DIAPH1: variants seen among roughly 807,000 people sequenced by gnomAD.
DIAPH1 encodes diaphanous related formin 1.
A neutral mutation model predicts 140.7 loss-of-function variants in DIAPH1; 46 were observed. The ratio of observed to expected loss-of-function variants is 0.33; its 90% CI spans 0.26 to 0.42. The LOEUF (loss-of-function observed/expected upper bound fraction) is 0.42, where lower values mean the gene tolerates loss of function less well. Ranked by LOEUF, DIAPH1 falls within the 10% of genes least tolerant of loss-of-function variation. DIAPH1 has a pLI of 1.00. For missense variants in DIAPH1, 1,310 were observed against 1,558.7 expected (o/e 0.84, Z 2.69); for synonymous variants, 565 against 551.6 (o/e 1.02, Z -0.34).
chr5:141,588,326 C>T (rs371439409), intron 1 of DIAPH1, 76 bp from the exon 2 acceptor site: 37 of 1,095,068 alleles, frequency 3.4e-5, no homozygotes, highest in African/African-American at 1.5e-4. Context: ...AAACACCAGA[C>T]GGGTTGGGGA....
chr5:141,576,654 G>T, intron 13 of DIAPH1, 102 bp downstream of exon 13: 1 of 842,056 alleles, frequency 1.2e-6, no homozygotes, highest in Non-Finnish European at 2.1e-6. Flanking sequence ...AGAACTATCT[G>T]GGGACTGGAA....
intron 18 of DIAPH1, chr5:141,558,423 A>C (rs930190440): frequency 2.6e-5 from 4 of 152,216 alleles, no homozygotes; most frequent in Admixed American, 1.3e-4. Flanking sequence ...GAAGACCACA[A>C]ACAGGAAATG....
chr5:141,554,586 A>C (rs2099892270), intron 18 of DIAPH1, among the ~76,000 whole-genome samples: 1 of 152,196 alleles, frequency 6.6e-6, no homozygotes, highest in Non-Finnish European at 1.5e-5. Flanking sequence ...CTTCACTATC[A>C]AAATGTGAAA....
At chr5:141,583,645 A>T (rs765226493) in intron 4 of DIAPH1, 30 bp from the exon 5 acceptor site, 1 of 1,613,998 alleles carries the variant, frequency 6.2e-7, no homozygotes, top group Admixed American at 1.7e-5. Flanking sequence ...AGAGATTAGT[A>T]ATGGTGGACC....
At chr5:141,599,383 C>A (rs2099899800) in intron 1 of DIAPH1, among the ~76,000 whole-genome samples, 2 of 152,324 alleles carry the variant, frequency 1.3e-5, no homozygotes, top group South Asian at 4.1e-4. Flanking sequence ...TTGTAATAGA[C>A]AACTACAATT....
At chr5:141,580,951 G>T in intron 7 of DIAPH1, 68 bp from the exon 8 acceptor site, 1 of 1,589,858 alleles carries the variant, frequency 6.3e-7, no homozygotes, top group Non-Finnish European at 8.6e-7. Context: ...ACAAGTTTAC[G>T]GGTTGTTATG....
intron 1 of DIAPH1, among the ~76,000 whole-genome samples, chr5:141,607,125 C>T (rs571455629): frequency 2.0e-5 from 3 of 152,098 alleles, no homozygotes; most frequent in Non-Finnish European, 2.9e-5. Flanking sequence ...GGAGATAAGA[C>T]CCCAAAATAA....
intron 1 of DIAPH1, among the ~76,000 whole-genome samples, chr5:141,591,392 TAA>T (rs1242400134): frequency 1.3e-5 from 2 of 151,954 alleles, no homozygotes; most frequent in Non-Finnish European, 2.9e-5. Flanking sequence ...GCCTGTAACT[TAA>T]GTCATTATAT....
intron 16 of DIAPH1, among the ~76,000 whole-genome samples, chr5:141,572,719 G>C (rs1562318987): frequency 1.4e-5 from 2 of 147,976 alleles, no homozygotes; most frequent in African/African-American, 2.5e-5. Flanking sequence ...AGTGAGCAGA[G>C]ATTATGCCAC....
chr5:141,598,655 G>T (rs988559987), intron 1 of DIAPH1, among the ~76,000 whole-genome samples: 1 of 151,706 alleles, frequency 6.6e-6, no homozygotes, highest in Admixed American at 6.6e-5. Flanking sequence ...ACCATCTACA[G>T]GAAATTAGAA....
intron 3 of DIAPH1, 43 bp from the exon 4 acceptor site, chr5:141,584,268 A>G: frequency 8.6e-7 from 1 of 1,157,746 alleles, no homozygotes; most frequent in South Asian, 1.2e-5. Context: ...ATTGCCTCAA[A>G]TTCTTTACAA....
At chr5:141,564,352 C>A (rs1385754103) in intron 18 of DIAPH1, 1 of 152,174 alleles carries the variant, frequency 6.6e-6, no homozygotes, top group Non-Finnish European at 1.5e-5. Context: ...GACATCACTA[C>A]CAAACGCAAC....
intron 18 of DIAPH1, among the ~76,000 whole-genome samples, chr5:141,558,091 C>T (rs1431872268): frequency 4.3e-4 from 66 of 152,238 alleles, no homozygotes; most frequent in African/African-American, 1.6e-3. Flanking sequence ...TTTTGCATTT[C>T]AAACGAATCA....
chr5:141,562,330 A>G (rs762777227), intron 18 of DIAPH1, among the ~76,000 whole-genome samples: 2 of 152,170 alleles, frequency 1.3e-5, no homozygotes, highest in African/African-American at 2.4e-5. Context: ...TAATGAGGAA[A>G]GTCTCTGCAT....
intron 19 of DIAPH1, among the ~76,000 whole-genome samples, chr5:141,530,444 C>G (rs901230963): frequency 6.6e-6 from 1 of 152,164 alleles, no homozygotes; most frequent in African/African-American, 2.4e-5. Context: ...GGTCCCTGGT[C>G]AGTCTAGCCA....
At chr5:141,541,905 G>C (rs2099890045) in intron 18 of DIAPH1, among the ~76,000 whole-genome samples, 1 of 152,034 alleles carries the variant, frequency 6.6e-6, no homozygotes, top group Non-Finnish European at 1.5e-5. Flanking sequence ...TATATAAATG[G>C]AAAGATACAT....
At chr5:141,614,139 A>G (rs1250953281) in intron 1 of DIAPH1, among the ~76,000 whole-genome samples, 1 of 152,240 alleles carries the variant, frequency 6.6e-6, no homozygotes, top group Non-Finnish European at 1.5e-5. Flanking sequence ...CACTTAAGTA[A>G]TACAAAGTTT....
At chr5:141,574,339 G>A in intron 15 of DIAPH1, 131 bp from the exon 16 acceptor site, 1 of 897,358 alleles carries the variant, frequency 1.1e-6, no homozygotes, top group Non-Finnish European at 1.7e-6. Flanking sequence ...GAGTCAGAGA[G>A]ATGACATGAT....
intron 18 of DIAPH1, among the ~76,000 whole-genome samples, chr5:141,537,174 A>C (rs2099889148): frequency 6.6e-6 from 1 of 152,014 alleles, no homozygotes; most frequent in African/African-American, 2.4e-5. Context: ...GTCTCCAAAA[A>C]ACGAAAATCA....
Sources: gnomAD v4.1 joint callset for allele counts (sites outside exome capture counted in the v4.1 genomes callset) on GRCh38, gnomAD v4.1.1 for gene constraint, MANE v1.5 for transcripts, NCBI Gene and HGNC (gene_info 2026-07-23, HGNC 2026-07-21) for gene names.